The following C16orf78 variants were observed in gnomAD, a reference collection of about 807,000 sequenced individuals.
C16orf78 encodes chromosome 16 open reading frame 78.
In C16orf78, 19 loss-of-function variants were observed where a neutral mutation model predicts 27.3. The ratio of observed to expected loss-of-function variants is 0.70; its 90% CI spans 0.49 to 1.02. The LOEUF (loss-of-function observed/expected upper bound fraction) is 1.02. Among genes scored for constraint, C16orf78 ranks in the 50% least tolerant of loss-of-function variants. The probability of loss-of-function intolerance (pLI) is 0.00; values close to 1 mark genes in which losing one functional copy is unlikely to be tolerated. For synonymous variants in C16orf78, 130 were observed against 116.1 expected (o/e 1.12, Z -0.77); for missense variants, 339 against 337.0 (o/e 1.01, Z -0.05).
At chr16:49,390,386 C>A (rs1965398352) in intron 3 of C16orf78, among the ~76,000 whole-genome samples, 1 of 152,142 alleles carries the variant, frequency 6.6e-6, no homozygotes. Flanking sequence ...TCCCAAAATT[C>A]ATCTTGTGTT....
At chr16:49,392,827 C>T (rs1191219013) in intron 3 of C16orf78, among the ~76,000 whole-genome samples, 1 of 152,100 alleles carries the variant, frequency 6.6e-6, no homozygotes, top group African/African-American at 2.4e-5. Flanking sequence ...TTGACTGTGT[C>T]CCCACCCAAA....
Position 49,376,032 on chromosome 16 carries a change from A to G in C16orf78, c.151-1699A>G, listed in dbSNP as rs1171037888. ...AAATATAATTAAGTCTTCAAGCATC[A>G]TTACCTTTCCCAGAAGCATCTGGGC... On this transcript the variant is annotated intron_variant, in intron 1 of 4. Coordinates refer to ENST00000299191, the MANE Select transcript of C16orf78 (RefSeq NM_144602.4). Among the ~76,000 whole-genome samples, 6 of 152,376 alleles carry G rather than the reference A, an allele frequency of 3.9e-5. No homozygotes were observed. The East Asian group carries it at 9.6e-4, about 24-fold the overall frequency.
chr16:49,379,599 G>T (rs1456150265), intron 3 of C16orf78, among the ~76,000 whole-genome samples: 1 of 151,970 alleles, frequency 6.6e-6, no homozygotes, highest in Admixed American at 6.6e-5. Flanking sequence ...TGCAGTTTAG[G>T]ATCCTAGATT....
chr16:49,392,976 TA>T (rs1049868076), intron 3 of C16orf78, among the ~76,000 whole-genome samples: 1 of 152,214 alleles, frequency 6.6e-6, no homozygotes, highest in African/African-American at 2.4e-5. Context: ...GATGGTTTTG[TA>T]AATGGGAGTT....
chr16:49,386,674 C>T (rs1965355319), intron 3 of C16orf78, among the ~76,000 whole-genome samples: 1 of 152,138 alleles, frequency 6.6e-6, no homozygotes, highest in African/African-American at 2.4e-5. Context: ...ATTTGTCTCC[C>T]ACTTATTAGT....
chr16:49,391,002 T>A (rs1965406451), intron 3 of C16orf78, among the ~76,000 whole-genome samples: 1 of 152,226 alleles, frequency 6.6e-6, no homozygotes, highest in Non-Finnish European at 1.5e-5. Flanking sequence ...CTATTTCATA[T>A]GACATGCCCA....
chr16:49,380,349 C>T (rs1965271871), intron 3 of C16orf78, among the ~76,000 whole-genome samples: 1 of 152,166 alleles, frequency 6.6e-6, no homozygotes, highest in Non-Finnish European at 1.5e-5. Context: ...TAATACACCA[C>T]AATTATTCCA....
chr16:49,392,245 C>G (rs868501427), intron 3 of C16orf78, among the ~76,000 whole-genome samples: 4 of 152,158 alleles, frequency 2.6e-5, no homozygotes, highest in Non-Finnish European at 5.9e-5. Flanking sequence ...AGAGTAAAGA[C>G]CCCCATAATA....
chr16:49,398,983 T>C lies in C16orf78; in HGVS notation c.651-148T>C, dbSNP rs558150050. 22 of 827,000 alleles carry C rather than the reference T, an allele frequency of 2.7e-5. No individual in the cohort carries two copies. In the East Asian group the frequency reaches 5.0e-4, roughly 19 times the overall value. 51.2% of individuals were successfully genotyped at this position (827,000 alleles called of 1,614,324 possible). On this transcript the variant is annotated intron_variant, in intron 4 of 4. Coordinates refer to ENST00000299191, the MANE Select transcript of C16orf78 (RefSeq NM_144602.4). ...TGGGGTGTCCCACTGTCTTATAAGG[T>C]CTCTATCAGCTCCATGGATGACTGG...
chr16:49,390,187 G>T (rs1965395791), intron 3 of C16orf78, among the ~76,000 whole-genome samples: 1 of 152,144 alleles, frequency 6.6e-6, no homozygotes, highest in South Asian at 2.1e-4. Flanking sequence ...TTTAAGAAAG[G>T]AGCTTATGAT....
chr16:49,386,290 G>A (rs1377432667), intron 3 of C16orf78, among the ~76,000 whole-genome samples: 2 of 152,156 alleles, frequency 1.3e-5, no homozygotes, highest in East Asian at 1.9e-4. Flanking sequence ...ACATTGGGTA[G>A]GTCATGCAGG....
intron 4 of C16orf78, among the ~76,000 whole-genome samples, chr16:49,398,588 A>G (rs1596935812): frequency 6.6e-6 from 1 of 152,372 alleles, no homozygotes; most frequent in East Asian, 1.9e-4. Flanking sequence ...GTATGTGCGC[A>G]TGACAGTGAC....
intron 3 of C16orf78, among the ~76,000 whole-genome samples, chr16:49,388,013 G>T (rs1277046306): frequency 6.6e-6 from 1 of 152,058 alleles, no homozygotes; most frequent in East Asian, 1.9e-4. Context: ...GGCCAGCTGT[G>T]GTGGCTCACA....
At position 49,383,304 on chromosome 16, in the gene C16orf78, G is replaced by T. The variant is rs75705686; in HGVS notation, c.394+4711G>T. On this transcript the variant is annotated intron_variant, in intron 3 of 4. Transcript: ENST00000299191. ...GGACTAAAATGAATGGGTATGATCT[G>T]AATTGGCAGACAAATTCAAAACAAA... Among the ~76,000 whole-genome samples, 1,194 of 152,358 alleles carry T rather than the reference G, an allele frequency of 7.8e-3. 15 individuals are homozygous for T. Among genetic ancestry groups the T allele is most frequent in the East Asian group, 0.037 (190 of 5,184 alleles).
At chr16:49,382,157 C>G (rs573142086) in intron 3 of C16orf78, among the ~76,000 whole-genome samples, 5,786 of 152,024 alleles carry the variant, frequency 0.038, 380 homozygotes, top group African/African-American at 0.13. Flanking sequence ...AGTAAACTAT[C>G]GCAAGAACAA....
In C16orf78 at chr16:49,373,839, C is replaced by T; in HGVS notation, c.-101C>T. On this transcript the variant is annotated 5_prime_UTR_variant, in exon 1 of 5. Coordinates refer to ENST00000299191, the MANE Select transcript of C16orf78 (RefSeq NM_144602.4). ...TTATGTTCACATCTGGAGGCCACAC[C>T]CTACCTTCTAAGTCACCAGGCCATC... 1 of 1,449,864 alleles carries T rather than the reference C, an allele frequency of 6.9e-7. No individual in the cohort carries two copies. Among genetic ancestry groups the T allele is most frequent in the Non-Finnish European group, 9.5e-7 (1 of 1,055,630 alleles). The allele number at this position is 1,449,864 out of a possible 1,614,324, so 89.8% of individuals were successfully genotyped here.
intron 4 of C16orf78, among the ~76,000 whole-genome samples, chr16:49,397,875 C>T (rs1319209079): frequency 1.3e-5 from 2 of 152,298 alleles, no homozygotes; most frequent in South Asian, 2.1e-4. Flanking sequence ...AAGCCACTCT[C>T]GTGCCTCAGC....
chr16:49,398,071 G>A (rs781312466), intron 4 of C16orf78, among the ~76,000 whole-genome samples: 22 of 152,192 alleles, frequency 1.4e-4, no homozygotes, highest in Non-Finnish European at 3.1e-4. Flanking sequence ...GGATGAGACC[G>A]TAATGGGTGT....
chr16:49,386,353 G>A (rs187699772), intron 3 of C16orf78, among the ~76,000 whole-genome samples: 27 of 152,210 alleles, frequency 1.8e-4, no homozygotes, highest in Admixed American at 3.3e-4. Context: ...AGACCAAATG[G>A]ACCTAACATA....
Sources: gnomAD v4.1 joint callset for allele counts (sites outside exome capture counted in the v4.1 genomes callset) on GRCh38, gnomAD v4.1.1 for gene constraint, MANE v1.5 for transcripts, NCBI Gene and HGNC (gene_info 2026-07-23, HGNC 2026-07-21) for gene names.